Variants in PTCD1 observed in about 807,000 individuals in gnomAD.
PTCD1 encodes pentatricopeptide repeat domain 1.
Under a neutral mutation model 53.4 loss-of-function variants are expected in PTCD1, and 50 were observed. The ratio of observed to expected loss-of-function variants is 0.94; its 90% CI spans 0.75 to 1.19. The LOEUF is 1.19. PTCD1 is among the 50% of genes most tolerant of loss of function. PTCD1 has a pLI of 0.00. For missense variants in PTCD1, 918 were observed against 904.8 expected, an observed-to-expected ratio of 1.01 and a Z score of -0.19; for synonymous variants, 413 against 394.8, an observed-to-expected ratio of 1.05 and a Z score of -0.55.
chr7:99,417,711 CCTG>C lies in PTCD1; in HGVS notation c.*2253_*2255del. ...GGAATGTCGTTTTGTCCCTGGATGT[CCTG>C]CTGGCTCTCCCTCGTGGGAGTGGGT... On this transcript the variant is annotated 3_prime_UTR_variant, in exon 8 of 8. Transcript: ENST00000292478. 1.3e-6 allele frequency: 2 copies of C among 1,543,156 alleles called. No individual in the cohort carries two copies. Among genetic ancestry groups the C allele is most frequent in the Non-Finnish European group, 1.7e-6 (2 of 1,150,058 alleles).
intron 5 of PTCD1, among the ~76,000 whole-genome samples, chr7:99,428,462 C>T (rs952752173): frequency 2.0e-4 from 31 of 151,226 alleles, no homozygotes; most frequent in African/African-American, 7.1e-4. Flanking sequence ...AGCTCTCCAG[C>T]GGGGAGCTGT....
chr7:99,423,910 G>A lies in PTCD1; in HGVS notation c.1785C>T (p.Asn595=), dbSNP rs1394765103. 5.0e-6 allele frequency: 8 copies of A among 1,614,192 alleles called. No individual in the cohort carries two copies. Among genetic ancestry groups the A allele is most frequent in the Admixed American group, 1.7e-5 (1 of 60,020 alleles). Residue 595 remains asparagine (N), a synonymous_variant, in exon 7 of 8, where the codon AAC becomes AAT. Coordinates refer to ENST00000292478, the MANE Select transcript of PTCD1 (RefSeq NM_015545.4). ...TGTAGTTCAGCTTCCTGATGGCCGC[G>A]TTGATGAGGGCACTGTAGATGTGAG... is the stretch of plus-strand genomic sequence containing the variant. The part of the protein sequence containing the change: ...PNTHIYSALI[N]AAIRKLNYTY...
chr7:99,437,760 G>T (rs995912106), intron 1 of PTCD1, among the ~76,000 whole-genome samples: 5 of 151,484 alleles, frequency 3.3e-5, no homozygotes, highest in Admixed American at 6.6e-5. Context: ...TGCCTCCCGG[G>T]TTTAAGCCAT....
chr7:99,420,127 A>T lies in PTCD1; in HGVS notation c.1943T>A (p.Leu648Gln), dbSNP rs201570250. The T allele has an allele frequency of 6.2e-7, 1 of 1,614,178 alleles. No individual in the cohort carries two copies. The highest frequency in any genetic ancestry group is 1.3e-5 in the African/African-American group (1 of 75,036). The change falls in exon 8 of 8, where the codon CTG (leucine) becomes CAG (glutamine). Residue 648 changes from leucine (L) to glutamine (Q), a missense_variant. Coordinates refer to ENST00000292478, the MANE Select transcript of PTCD1 (RefSeq NM_015545.4). ...GGCTCGGAAGCCGTCAATCTTCTCC[A>T]GGTAGGTGTTCTTCCCTTGGTACTA... ...FDRYQGKNTYLEKIDGFRAYY... is the reference protein window; with the variant it reads ...FDRYQGKNTYQEKIDGFRAYY...
chr7:99,438,798 C>T lies in PTCD1; in HGVS notation c.-133G>A, dbSNP rs1383329140. 7.1e-7 allele frequency: 1 copy of T among 1,401,612 alleles called. No individual in the cohort carries two copies. The highest frequency in any genetic ancestry group is 9.4e-7 in the Non-Finnish European group (1 of 1,062,878). 86.8% of individuals were successfully genotyped at this position (1,401,612 alleles called of 1,614,324 possible). ...TCTCCCCAAGCGCGCAGGCGCAATC[C>T]GCGTCGCCGACTCACGCGGCTGGTT... On this transcript the variant is annotated 5_prime_UTR_variant, in exon 1 of 8. Coordinates refer to ENST00000292478, the MANE Select transcript of PTCD1 (RefSeq NM_015545.4).
At position 99,429,094 on chromosome 7, in the gene PTCD1, G is replaced by C; in HGVS notation, c.915+9C>G. On this transcript the variant is annotated intron_variant, in intron 5 of 7. Transcript: ENST00000292478. ...AGCAGGGCAGGAAGGTGGGGTGGGA[G>C]GGACATACCTGGAGGGCGTACCGGA... The C allele has an allele frequency of 1.9e-6, 3 of 1,614,128 alleles. No homozygotes were observed. Among genetic ancestry groups the C allele is most frequent in the Non-Finnish European group, 2.5e-6 (3 of 1,179,984 alleles).
At position 99,438,769 on chromosome 7, in the gene PTCD1, C is replaced by A. The variant is rs1243230557; in HGVS notation, c.-104G>T. ...GGCGAACCAGTCTCTTCCTCGGGTC[C>A]CCCTCTCCCCAAGCGCGCAGGCGCA... On this transcript the variant is annotated 5_prime_UTR_variant, in exon 1 of 8. Coordinates refer to ENST00000292478, the MANE Select transcript of PTCD1 (RefSeq NM_015545.4). 42 of 1,356,670 alleles carry A rather than the reference C, an allele frequency of 3.1e-5. 1 individual carries two copies. The highest frequency in any genetic ancestry group is 3.9e-5 in the Non-Finnish European group (40 of 1,033,682). The allele number at this position is 1,356,670 out of a possible 1,614,324, so 84.0% of individuals were successfully genotyped here. A position where few individuals can be genotyped will look rare whatever the true frequency, so the allele number is the denominator to read the frequency against.
At chr7:99,422,999 T>C (rs952473879) in intron 7 of PTCD1, among the ~76,000 whole-genome samples, 3 of 149,908 alleles carry the variant, frequency 2.0e-5, no homozygotes, top group African/African-American at 7.3e-5. Context: ...AGAGAGCTCT[T>C]CTCTTTTTTT....
chr7:99,422,826 G>T (rs1417731784), intron 7 of PTCD1, among the ~76,000 whole-genome samples: 1 of 152,172 alleles, frequency 6.6e-6, no homozygotes. Context: ...AGGTTAGGGT[G>T]GGGCACCAGC....
At chr7:99,428,477 C>T (rs1273736380) in intron 5 of PTCD1, among the ~76,000 whole-genome samples, 1 of 151,532 alleles carries the variant, frequency 6.6e-6, no homozygotes, top group African/African-American at 2.4e-5. Context: ...AGCTGTGGTT[C>T]ACACCTGTAA....
intron 7 of PTCD1, 28 bp downstream of exon 7, chr7:99,423,747 G>A: frequency 6.2e-7 from 1 of 1,613,250 alleles, no homozygotes; most frequent in Non-Finnish European, 8.5e-7. Context: ...TGAAGGAGCT[G>A]ATGAGCTTTT....
In PTCD1 at chr7:99,425,013, G is replaced by C; in HGVS notation, c.1519C>G (p.Leu507Val). ...TGGTGCTCATCCAGGAGGGCCAGCA[G>C]CAAGGACTCTGCAGGACTCCCGGAC... ...VESGSPAESLLLALLDEHQVE... is the reference protein window; with the variant it reads ...VESGSPAESLVLALLDEHQVE... The change falls in exon 6 of 8, where the codon CTG (leucine) becomes GTG (valine). Residue 507 changes from leucine (L) to valine (V), a missense_variant. Physicochemically the swap from Leu to Val is conservative, Grantham distance 32. Transcript: ENST00000292478. 6.2e-7 allele frequency: 1 copy of C among 1,614,244 alleles called. No homozygotes were observed. The highest frequency in any genetic ancestry group is 8.5e-7 in the Non-Finnish European group (1 of 1,180,048).
Position 99,419,144 on chromosome 7 carries a change from C to T in PTCD1, c.*823G>A, listed in dbSNP as rs151159691. On this transcript the variant is annotated 3_prime_UTR_variant, in exon 8 of 8. Coordinates refer to ENST00000292478, the MANE Select transcript of PTCD1 (RefSeq NM_015545.4). ...CGATTTCTTTTTCTTGATTGGCAAA[C>T]GTGTGTTGGATTTGCAGAACATATT... 104 of 553,214 alleles carry T rather than the reference C, an allele frequency of 1.9e-4. No individual in the cohort carries two copies. The East Asian group carries it at 2.0e-3, about 11-fold the overall frequency. 34.3% of individuals were successfully genotyped at this position (553,214 alleles called of 1,614,324 possible).
Position 99,433,268 on chromosome 7 carries a change from C to A in PTCD1, c.594+10G>T. 6.2e-7 allele frequency: 1 copy of A among 1,614,154 alleles called. No homozygotes were observed. The highest frequency in any genetic ancestry group is 1.3e-5 in the African/African-American group (1 of 75,030). On this transcript the variant is annotated intron_variant, in intron 3 of 7. Coordinates refer to ENST00000292478, the MANE Select transcript of PTCD1 (RefSeq NM_015545.4). ...GAGCCTCACCCCGGCTGCCCTGCGC[C>A]CACATGCACCTGGTTGTAGAGGTTG...
chr7:99,426,838 G>C (rs1355904073), intron 5 of PTCD1, among the ~76,000 whole-genome samples: 1 of 150,374 alleles, frequency 6.7e-6, no homozygotes, highest in Non-Finnish European at 1.5e-5. Context: ...GCCCCGTCTG[G>C]GATGTGAGGA....
In PTCD1 at chr7:99,420,064, T is replaced by C; in HGVS notation, c.2006A>G (p.Glu669Gly). 6.2e-7 allele frequency: 1 copy of C among 1,614,198 alleles called. No individual in the cohort carries two copies. The highest frequency in any genetic ancestry group is 2.2e-5 in the East Asian group (1 of 44,882). The change falls in exon 8 of 8, where the codon GAA becomes GGA. Residue 669 changes from glutamate (E) to glycine (G), a missense_variant. Glu to Gly is a moderately conservative substitution (Grantham distance 98). Transcript: ENST00000292478. ...GAACTTCTGCCAGGGGTGCGGGGTT[T>C]CCTCTGCGGGCATCACTGTCAGCCA... ...KQWLTVMPAE[E>G]TPHPWQKFRT...
chr7:99,423,170 C>T (rs1456391803), intron 7 of PTCD1, among the ~76,000 whole-genome samples: 2 of 151,918 alleles, frequency 1.3e-5, no homozygotes, highest in Admixed American at 6.6e-5. Context: ...AGGTATTCAC[C>T]CCAGACAATG....
rs868289389 is a variant in PTCD1 at position 99,429,153 on chromosome 7, G to A, written c.865C>T (p.Leu289Phe). Residue 289 changes from leucine (L) to phenylalanine (F), a missense_variant, in exon 5 of 8, where the codon CTC becomes TTC. Coordinates refer to ENST00000292478, the MANE Select transcript of PTCD1 (RefSeq NM_015545.4). ...VVTEETFSFL[L>F]MGCIQDKKTG... is the part of the protein sequence containing the mutation. The stretch of plus-strand genomic sequence containing the variant: ...TTCTTGTCTTGGATGCAGCCCATGA[G>A]CAGGAAACTGAAGGTCTCCTCTGTG... The A allele has an allele frequency of 6.2e-7, 1 of 1,614,070 alleles. No individual in the cohort carries two copies.
intron 3 of PTCD1, among the ~76,000 whole-genome samples, chr7:99,430,520 C>T (rs1379347312): frequency 6.6e-6 from 1 of 152,226 alleles, no homozygotes; most frequent in Non-Finnish European, 1.5e-5. Flanking sequence ...CAAATCCCAG[C>T]CCCGGTGCAT....
Sources: allele counts gnomAD v4.1 joint callset (sites outside exome capture counted in the v4.1 genomes callset), GRCh38; gene constraint gnomAD v4.1.1; transcripts MANE v1.5; gene names NCBI Gene and HGNC (gene_info 2026-07-23, HGNC 2026-07-21).